The following ZNF611 variants were observed in gnomAD, a reference collection of about 807,000 sequenced individuals.
ZNF611 encodes the protein zinc finger protein 611.
A neutral mutation model predicts 8.9 loss-of-function variants in ZNF611; 6 were observed. The observed-to-expected ratio is 0.68, with a 90% CI of 0.37 to 1.34. The LOEUF is 1.34. ZNF611 is among the 40% of genes most tolerant of loss of function. ZNF611 has a pLI of 0.02. For synonymous variants in ZNF611, 262 were observed against 279.7 expected, an observed-to-expected ratio of 0.94 and a Z score of 0.63; for missense variants, 874 against 841.3, an observed-to-expected ratio of 1.04 and a Z score of -0.48.
chr19:52,729,492 CAAAAAAAA>C (rs397859789), intron 2 of ZNF611, among the ~76,000 whole-genome samples: 56 of 42,360 alleles, frequency 1.3e-3, no homozygotes, highest in Non-Finnish European at 1.6e-3. Flanking sequence ...GACTCCATCT[CAAAAAAAA>C]AAAAAAAAAA....
Position 52,705,861 on chromosome 19 carries a change from G to T in ZNF611, c.1194C>A (p.Tyr398Ter), listed in dbSNP as rs1469090749. The change falls in exon 6 of 6, where the codon TAC becomes TAA. Residue 398 changes from tyrosine to a stop codon, truncating the protein, a stop_gained. Coordinates refer to ENST00000652185, the MANE Select transcript of ZNF611 (RefSeq NM_001161499.2). LOFTEE classifies it low-confidence loss of function (END_TRUNC). ...AAGCTGTGTCACAAACCTTACATCTGTATGGTTTCTCTCCAGTATGAATTC... is the reference window on the plus strand; with the variant it reads ...AAGCTGTGTCACAAACCTTACATCTTTATGGTTTCTCTCCAGTATGAATTC... ...HKRIHTGEKP[Y>*]RCKVCDTAFT... is the part of the protein sequence containing the mutation. The T allele has an allele frequency of 6.2e-7, 1 of 1,613,938 alleles. No homozygotes were observed. Among genetic ancestry groups the T allele is most frequent in the Non-Finnish European group, 8.5e-7 (1 of 1,180,016 alleles).
Position 52,704,608 on chromosome 19 carries a change from G to A in ZNF611, c.*329C>T. Reference sequence around the variant, plus strand: ...TTTGCCACATTTATTACACTTGTAAGATCTCTCTTCATTATGGATTCTCCA... The same window carrying A: ...TTTGCCACATTTATTACACTTGTAAAATCTCTCTTCATTATGGATTCTCCA... On this transcript the variant is annotated 3_prime_UTR_variant, in exon 6 of 6. Transcript: ENST00000652185. The A allele has an allele frequency of 6.3e-7, 1 of 1,578,562 alleles. No individual in the cohort carries two copies. Among genetic ancestry groups the A allele is most frequent in the Admixed American group, 1.7e-5 (1 of 59,594 alleles).
intron 4 of ZNF611, among the ~76,000 whole-genome samples, chr19:52,715,552 G>C (rs2062310822): frequency 6.6e-6 from 1 of 152,216 alleles, no homozygotes; most frequent in Non-Finnish European, 1.5e-5. Context: ...AGGCTGCCCA[G>C]CAGCACTGAC....
chr19:52,729,733 T>C (rs1784427509), intron 2 of ZNF611, 173 bp downstream of exon 2: 1 of 152,042 alleles, frequency 6.6e-6, no homozygotes, highest in Non-Finnish European at 1.5e-5. Flanking sequence ...AGCAAATAAG[T>C]ACATTTATAT....
intron 4 of ZNF611, among the ~76,000 whole-genome samples, chr19:52,714,873 C>G (rs2147428208): frequency 6.6e-6 from 1 of 151,796 alleles, no homozygotes; most frequent in Admixed American, 6.6e-5. Context: ...TGGTGCAGGC[C>G]TGTACTCCCA....
At chr19:52,720,296 A>C (rs2062346576) in intron 3 of ZNF611, among the ~76,000 whole-genome samples, 1 of 152,230 alleles carries the variant, frequency 6.6e-6, no homozygotes, top group Non-Finnish European at 1.5e-5. Context: ...CACCTGCAGA[A>C]AGGCTGTCAC....
chr19:52,726,674 T>G (rs937811012), intron 3 of ZNF611, among the ~76,000 whole-genome samples: 28 of 151,072 alleles, frequency 1.9e-4, no homozygotes, highest in African/African-American at 6.3e-4. Flanking sequence ...TGCCTCAGCC[T>G]CGCAAAGTGC....
chr19:52,712,459 A>G (rs2062286673), intron 5 of ZNF611, among the ~76,000 whole-genome samples: 1 of 66,468 alleles, frequency 1.5e-5, no homozygotes, highest in Non-Finnish European at 3.1e-5. Context: ...TCTCTACTAA[A>G]AAAAAAAAAA....
chr19:52,706,057 T>C lies in ZNF611; in HGVS notation c.998A>G (p.Asp333Gly). 6.2e-7 allele frequency: 1 copy of C among 1,614,160 alleles called. No individual in the cohort carries two copies. Among genetic ancestry groups the C allele is most frequent in the Non-Finnish European group, 8.5e-7 (1 of 1,180,030 alleles). The change falls in exon 6 of 6, where the codon GAT (aspartate) becomes GGT (glycine). Residue 333 changes from aspartate to glycine, a missense_variant. Coordinates refer to ENST00000652185, the MANE Select transcript of ZNF611 (RefSeq NM_001161499.2). ...IFGQNSALLI[D>G]KAIDTGENPY... ...ATTTTCTCCAGTATCAATTGCCTTA[T>C]CAATTAGAAGGGCTGAATTTTGACC...
chr19:52,722,373 C>A (rs1486383022), intron 3 of ZNF611, among the ~76,000 whole-genome samples: 1 of 151,772 alleles, frequency 6.6e-6, no homozygotes, highest in Non-Finnish European at 1.5e-5. Context: ...TAGGGCCAGA[C>A]CCTGTCTCAA....
chr19:52,713,381 T>C (rs2062293225), intron 5 of ZNF611, among the ~76,000 whole-genome samples: 1 of 152,184 alleles, frequency 6.6e-6, no homozygotes, highest in Non-Finnish European at 1.5e-5. Flanking sequence ...ATAGGTTTTC[T>C]TGTTAAAAAT....
chr19:52,720,062 C>CAT (rs34159769), intron 3 of ZNF611, among the ~76,000 whole-genome samples: 104,816 of 151,930 alleles, frequency 0.69, 37,320 homozygotes, highest in African/African-American at 0.88. Flanking sequence ...TGACACAGCA[C>CAT]GTTTCAGAGA....
intron 3 of ZNF611, among the ~76,000 whole-genome samples, chr19:52,721,460 C>G (rs2062359066): frequency 1.3e-5 from 2 of 152,240 alleles, no homozygotes; most frequent in African/African-American, 2.4e-5. Flanking sequence ...GGGCAAATCA[C>G]TGGAGGTCAG....
At chr19:52,713,897 CA>C (rs113708555) in intron 5 of ZNF611, 117 bp downstream of exon 5, 2 of 1,549,560 alleles carry the variant, frequency 1.3e-6, no homozygotes, top group Non-Finnish European at 1.7e-6. Flanking sequence ...ATCTCAAAAA[CA>C]AAAAACAAAA....
chr19:52,706,900 G>A, intron 5 of ZNF611, 36 bp from the exon 6 acceptor site: 1 of 1,580,286 alleles, frequency 6.3e-7, no homozygotes. Context: ...TTCCAATTAA[G>A]TACAGATGGT....
chr19:52,728,556 GAGAA>G (rs1467936453), intron 3 of ZNF611, among the ~76,000 whole-genome samples, 170 bp downstream of exon 3: 17 of 151,464 alleles, frequency 1.1e-4, no homozygotes, highest in Non-Finnish European at 2.5e-4. Context: ...GAAAAGAAAA[GAGAA>G]AGAAAGAATA....
At chr19:52,721,392 T>C (rs10417993) in intron 3 of ZNF611, 107,578 of 173,756 alleles carry the variant, frequency 0.62, 33,445 homozygotes, top group Middle Eastern at 0.66. Context: ...CTGGGCAACA[T>C]TGAGCACTGA....
chr19:52,713,344 C>T (rs1454702102), intron 5 of ZNF611, among the ~76,000 whole-genome samples: 1 of 152,196 alleles, frequency 6.6e-6, no homozygotes, highest in African/African-American at 2.4e-5. Context: ...ATATCTCTTA[C>T]AGGGTTGATC....
Position 52,706,822 on chromosome 19 carries a change from C to G in ZNF611, c.233G>C (p.Gly78Ala), listed in dbSNP as rs776299853. The G allele has an allele frequency of 1.9e-6, 3 of 1,610,728 alleles. No individual in the cohort carries two copies. In the East Asian group the frequency reaches 6.7e-5, roughly 36 times the overall value. Residue 78 changes from glycine (G) to alanine (A), a missense_variant, in exon 6 of 6, where the codon GGG (glycine) becomes GCG (alanine). Physicochemically the swap from Gly to Ala is moderately conservative, Grantham distance 60. Transcript: ENST00000652185. ...KCMMKEVLSTGQGNTEVIHTG... is the reference protein window; with the variant it reads ...KCMMKEVLSTAQGNTEVIHTG... Reference sequence around the variant, plus strand: ...GTGGATCACTTCTGTATTGCCTTGCCCTGTTGACAAGACCTCCTTCATCAT... The same window carrying G: ...GTGGATCACTTCTGTATTGCCTTGCGCTGTTGACAAGACCTCCTTCATCAT...
Sources: allele counts gnomAD v4.1 joint callset (sites outside exome capture counted in the v4.1 genomes callset), GRCh38; gene constraint gnomAD v4.1.1; transcripts MANE v1.5; gene names NCBI Gene and HGNC (gene_info 2026-07-23, HGNC 2026-07-21).